The following DLG5 variants were observed in gnomAD, a reference collection of about 807,000 sequenced individuals.
DLG5 encodes disks large homolog 5.
In DLG5, 48 loss-of-function variants were observed where a neutral mutation model predicts 189.8. The ratio of observed to expected loss-of-function variants is 0.25; its 90% CI spans 0.20 to 0.32. DLG5 has a LOEUF of 0.32. Among genes scored for constraint, DLG5 ranks in the 10% least tolerant of loss-of-function variants. DLG5 has a pLI of 1.00. For synonymous variants in DLG5, 1,016 were observed against 1,054.1 expected, an observed-to-expected ratio of 0.96 and a Z score of 0.70; for missense variants, 2,160 against 2,544.7, an observed-to-expected ratio of 0.85 and a Z score of 3.25.
At chr10:77,907,747 A>G (rs1161781960) in intron 1 of DLG5, among the ~76,000 whole-genome samples, 2 of 152,184 alleles carry the variant, frequency 1.3e-5, no homozygotes, top group Non-Finnish European at 2.9e-5. Flanking sequence ...CAATTTGGCC[A>G]TGGTCACGGT....
intron 1 of DLG5, among the ~76,000 whole-genome samples, chr10:77,870,194 C>T (rs765713810): frequency 2.6e-5 from 4 of 152,086 alleles, no homozygotes; most frequent in African/African-American, 9.7e-5. Flanking sequence ...AAAACAAGGA[C>T]AAATCCAGTG....
At chr10:77,824,502 G>T (rs1165591109) in intron 13 of DLG5, 26 bp from the exon 14 acceptor site, 2 of 1,595,448 alleles carry the variant, frequency 1.3e-6, no homozygotes, top group Non-Finnish European at 1.7e-6. Flanking sequence ...GAGCATGTCA[G>T]GCCACAGGCA....
At position 77,796,398 on chromosome 10, in the gene DLG5, G is replaced by A. The variant is rs1442622549; in HGVS notation, c.5308+53C>T. ...CACAGCTGGGCAGGCAGGTGGACAG[G>A]GACATAGAGACAAAGAGCCCAGTAG... On this transcript the variant is annotated intron_variant, in intron 28 of 31. Transcript: ENST00000372391. The surrounding 1 kb of genome is among the most constrained non-coding windows in gnomAD (Gnocchi z 5.2). 6.2e-7 allele frequency: 1 copy of A among 1,613,352 alleles called. No homozygotes were observed. The highest frequency in any genetic ancestry group is 8.5e-7 in the Non-Finnish European group (1 of 1,179,592).
chr10:77,795,770 G>A (rs945191224), intron 29 of DLG5, among the ~76,000 whole-genome samples: 2 of 152,258 alleles, frequency 1.3e-5, no homozygotes, highest in Admixed American at 6.5e-5. Context: ...AGGCCTTTCC[G>A]CAGAGCTCAA....
At chr10:77,923,065 G>A (rs1846582869) in intron 1 of DLG5, among the ~76,000 whole-genome samples, 1 of 152,252 alleles carries the variant, frequency 6.6e-6, no homozygotes, top group African/African-American at 2.4e-5. Flanking sequence ...TGGATCAGGA[G>A]CCCACACAGG....
intron 2 of DLG5, chr10:77,866,784 C>T (rs1349520388): frequency 2.8e-6 from 1 of 361,702 alleles, no homozygotes; most frequent in African/African-American, 2.1e-5. Context: ...CTGACCTCAG[C>T]ACAGCCTCAT....
chr10:77,827,545 G>T (rs561257725), intron 13 of DLG5, among the ~76,000 whole-genome samples: 3 of 152,224 alleles, frequency 2.0e-5, no homozygotes, highest in African/African-American at 7.2e-5. Flanking sequence ...AATTTTAAAA[G>T]GTCAGAAGTA....
chr10:77,812,447 G>A (rs1841825298), intron 20 of DLG5, 70 bp from the exon 21 acceptor site: 3 of 1,543,270 alleles, frequency 1.9e-6, no homozygotes, highest in Non-Finnish European at 2.6e-6. Flanking sequence ...TGAGCTCTCT[G>A]ATCAGGCATA....
At chr10:77,910,530 C>T (rs941823571) in intron 1 of DLG5, among the ~76,000 whole-genome samples, 1 of 152,198 alleles carries the variant, frequency 6.6e-6, no homozygotes, top group Non-Finnish European at 1.5e-5. Flanking sequence ...GGATCTGAGA[C>T]TTCCCACCCA....
chr10:77,817,626 A>C, intron 18 of DLG5, 151 bp downstream of exon 18: 1 of 673,418 alleles, frequency 1.5e-6, no homozygotes, highest in Non-Finnish European at 2.5e-6. Flanking sequence ...CCATGAAGGA[A>C]GCAGCCCTTC....
intron 31 of DLG5, chr10:77,793,688 C>A (rs180823215): frequency 1.7e-5 from 6 of 347,532 alleles, no homozygotes; most frequent in Middle Eastern, 8.8e-4. Context: ...CTCCAGTCCC[C>A]GCCCTGCCTG....
intron 1 of DLG5, among the ~76,000 whole-genome samples, chr10:77,916,450 C>G (rs538525073): frequency 6.6e-6 from 1 of 152,002 alleles, no homozygotes. Flanking sequence ...AACCACCACG[C>G]CCGGCTAAAT....
intron 5 of DLG5, among the ~76,000 whole-genome samples, chr10:77,844,925 G>T (rs1227030210): frequency 6.6e-6 from 1 of 152,160 alleles, no homozygotes; most frequent in Non-Finnish European, 1.5e-5. Flanking sequence ...TCTAGAGACA[G>T]AGAGGGGCAA....
chr10:77,916,166 G>A (rs959680434), intron 1 of DLG5, among the ~76,000 whole-genome samples: 3 of 152,238 alleles, frequency 2.0e-5, no homozygotes, highest in South Asian at 4.1e-4. Flanking sequence ...GCCACAGTAA[G>A]CCATGATCAT....
chr10:77,930,638 C>T (rs908254848), upstream of DLG5, among the ~76,000 whole-genome samples: 1 of 150,588 alleles, frequency 6.6e-6, no homozygotes. Context: ...CATGAGCCAC[C>T]AAGCCCAGCC....
chr10:77,868,869 G>A (rs541991104), intron 2 of DLG5: 5 of 498,050 alleles, frequency 1.0e-5, no homozygotes, highest in East Asian at 8.0e-5. Flanking sequence ...GGGTCAACAG[G>A]CTCCCCTAGA....
At chr10:77,816,856 C>T (rs1842080208) in intron 19 of DLG5, 151 bp downstream of exon 19, 1 of 1,328,308 alleles carries the variant, frequency 7.5e-7, no homozygotes, top group Non-Finnish European at 1.1e-6. Context: ...GCCCCCTACC[C>T]CCCACACCAC....
At chr10:77,909,059 T>C (rs569134358) in intron 1 of DLG5, among the ~76,000 whole-genome samples, 14 of 152,318 alleles carry the variant, frequency 9.2e-5, no homozygotes, top group Admixed American at 5.2e-4. Context: ...ATGGTAGATA[T>C]CTTTCCATCT....
intron 5 of DLG5, 33 bp from the exon 6 acceptor site, chr10:77,843,739 C>T: frequency 6.2e-7 from 1 of 1,612,422 alleles, no homozygotes; most frequent in Non-Finnish European, 8.5e-7. Context: ...TACCAAGGGT[C>T]TGTGGGAGGT....
Sources: allele counts gnomAD v4.1 joint callset (sites outside exome capture counted in the v4.1 genomes callset), GRCh38; gene constraint gnomAD v4.1.1; non-coding constraint Gnocchi (gnomAD v3.1); transcripts MANE v1.5; gene names NCBI Gene and HGNC (gene_info 2026-07-23, HGNC 2026-07-21).